Variants in ARHGDIB observed in about 807,000 individuals in gnomAD.
ARHGDIB encodes the protein rho GDP-dissociation inhibitor 2.
A neutral mutation model predicts 22.6 loss-of-function variants in ARHGDIB; 20 were observed. The ratio of observed to expected loss-of-function variants is 0.88; its 90% confidence interval spans 0.62 to 1.28. The LOEUF is 1.28. Among genes scored for constraint, ARHGDIB ranks in the 50% most tolerant of loss-of-function variants. The pLI, the probability that ARHGDIB is intolerant of heterozygous loss-of-function variation, is 0.00. For synonymous variants in ARHGDIB, 114 were observed against 96.1 expected, an observed-to-expected ratio of 1.19 and a Z score of -1.09; for missense variants, 254 against 245.4, an observed-to-expected ratio of 1.04 and a Z score of -0.23.
intron 1 of ARHGDIB, among the ~76,000 whole-genome samples, chr12:14,957,869 A>AAAGAG (rs1864333832): frequency 1.3e-5 from 2 of 151,452 alleles, no homozygotes; most frequent in Non-Finnish European, 2.9e-5. Context: ...GAAAGAGGAG[A>AAAGAG]GAGAGAGGAG....
At chr12:14,956,517 A>T (rs1309352558) in intron 1 of ARHGDIB, among the ~76,000 whole-genome samples, 1 of 152,228 alleles carries the variant, frequency 6.6e-6, no homozygotes, top group East Asian at 1.9e-4. Flanking sequence ...CACCTTCCTC[A>T]GCTGCTCATC....
intron 5 of ARHGDIB, among the ~76,000 whole-genome samples, chr12:14,943,016 GC>G (rs1863910259): frequency 6.6e-6 from 1 of 152,088 alleles, no homozygotes; most frequent in South Asian, 2.1e-4. Context: ...TTACAGGCAT[GC>G]GCCACCATGC....
chr12:14,945,477 C>T (rs1179803883), intron 4 of ARHGDIB, among the ~76,000 whole-genome samples: 2 of 152,192 alleles, frequency 1.3e-5, no homozygotes, highest in African/African-American at 2.4e-5. Context: ...AATTCAGTAA[C>T]GCAGAATGAA....
In ARHGDIB at chr12:14,942,199, G is replaced by C; in HGVS notation, c.*323C>G. 3.2e-6 allele frequency: 1 copy of C among 315,960 alleles called. No homozygotes were observed. The highest frequency in any genetic ancestry group is 6.1e-6 in the Non-Finnish European group (1 of 163,412). 19.6% of individuals were successfully genotyped at this position (315,960 alleles called of 1,614,324 possible). On this transcript the variant is annotated 3_prime_UTR_variant, in exon 6 of 6. Coordinates refer to ENST00000228945, the MANE Select transcript of ARHGDIB (RefSeq NM_001175.7). ...TGGAACCTGAGTCAAAGACCTGTTAGTGATAATTTGCCCATTTTCTGGCCT... is the reference window on the plus strand; with the variant it reads ...TGGAACCTGAGTCAAAGACCTGTTACTGATAATTTGCCCATTTTCTGGCCT...
chr12:14,960,009 C>T (rs1236053356), intron 1 of ARHGDIB, among the ~76,000 whole-genome samples: 1 of 152,238 alleles, frequency 6.6e-6, no homozygotes, highest in Non-Finnish European at 1.5e-5. Flanking sequence ...CTGCTAGGGA[C>T]TGGACCTCTG....
intron 4 of ARHGDIB, among the ~76,000 whole-genome samples, chr12:14,945,215 G>A (rs1592286210): frequency 6.6e-6 from 1 of 152,074 alleles, no homozygotes; most frequent in African/African-American, 2.4e-5. Flanking sequence ...CTTGTCTTAG[G>A]AAAAGTTATG....
At chr12:14,942,825 A>G in intron 5 of ARHGDIB, 104 bp from the exon 6 acceptor site, 1 of 997,558 alleles carries the variant, frequency 1.0e-6, no homozygotes, top group Non-Finnish European at 1.5e-6. Flanking sequence ...TAAAGTCAAG[A>G]GCAATGGTTT....
chr12:14,960,716 C>G (rs569364646), intron 1 of ARHGDIB, among the ~76,000 whole-genome samples: 1 of 152,096 alleles, frequency 6.6e-6, no homozygotes, highest in South Asian at 2.1e-4. Context: ...TTGGTCAAGC[C>G]GGTCTTGAAC....
chr12:14,952,577 G>A (rs903969370), intron 1 of ARHGDIB, among the ~76,000 whole-genome samples: 1 of 152,180 alleles, frequency 6.6e-6, no homozygotes, highest in Non-Finnish European at 1.5e-5. Context: ...TGAATGAACT[G>A]GTTGGAAAAA....
chr12:14,952,622 T>TG (rs1490173438), intron 1 of ARHGDIB, among the ~76,000 whole-genome samples: 1 of 151,560 alleles, frequency 6.6e-6, no homozygotes, highest in African/African-American at 2.4e-5. Context: ...TTGTAGGTTG[T>TG]GGGAAATTTA....
In ARHGDIB at chr12:14,942,430, A is replaced by T; in HGVS notation, c.*92T>A. 1.5e-6 allele frequency: 2 copies of T among 1,373,374 alleles called. No individual in the cohort carries two copies. The highest frequency in any genetic ancestry group is 3.4e-5 in the Admixed American group (2 of 58,852). 85.1% of individuals were successfully genotyped at this position (1,373,374 alleles called of 1,614,324 possible). ...GGAAATGTGGCAGTGTTGAAGAGGG[A>T]CCCAGCTGTGGACAGGGAGGAGGGA... On this transcript the variant is annotated 3_prime_UTR_variant, in exon 6 of 6. Transcript: ENST00000228945.
chr12:14,950,747 G>A (rs369726129), intron 1 of ARHGDIB, 23 bp from the exon 2 acceptor site: 76 of 1,560,012 alleles, frequency 4.9e-5, no homozygotes, highest in African/African-American at 6.9e-5. Flanking sequence ...ATGACAGCCC[G>A]TTAGTCAACA....
intron 4 of ARHGDIB, among the ~76,000 whole-genome samples, chr12:14,947,036 C>T (rs1864033353): frequency 6.6e-6 from 1 of 151,344 alleles, no homozygotes; most frequent in Admixed American, 6.6e-5. Flanking sequence ...GAATCATATC[C>T]TGTACCTTGG....
At chr12:14,954,569 C>T (rs774224782) in intron 1 of ARHGDIB, among the ~76,000 whole-genome samples, 1 of 152,172 alleles carries the variant, frequency 6.6e-6, no homozygotes, top group South Asian at 2.1e-4. Context: ...TACTAACTAG[C>T]TTTTCCCCTG....
chr12:14,943,916 T>G (rs1863943515), intron 5 of ARHGDIB, among the ~76,000 whole-genome samples: 1 of 152,114 alleles, frequency 6.6e-6, no homozygotes, highest in Admixed American at 6.6e-5. Flanking sequence ...GAAATTAAAC[T>G]TTTTTTTCAT....
chr12:14,949,091 T>C (rs1864102277), intron 3 of ARHGDIB, among the ~76,000 whole-genome samples: 1 of 152,110 alleles, frequency 6.6e-6, no homozygotes, highest in African/African-American at 2.4e-5. Flanking sequence ...TTTCATTTGG[T>C]AACTATTTTT....
chr12:14,953,973 CCTTT>C (rs1328663546), intron 1 of ARHGDIB, among the ~76,000 whole-genome samples: 1 of 148,872 alleles, frequency 6.7e-6, no homozygotes, highest in East Asian at 2.0e-4. Context: ...TTCCTTCCTT[CCTTT>C]CTTCTTTCCT....
chr12:14,944,123 G>T (rs1863950854), intron 5 of ARHGDIB, among the ~76,000 whole-genome samples: 1 of 151,286 alleles, frequency 6.6e-6, no homozygotes, highest in South Asian at 2.1e-4. Flanking sequence ...TAGGTAGAAA[G>T]GAACTGTAAA....
chr12:14,945,179 C>T (rs1863982502), intron 4 of ARHGDIB, among the ~76,000 whole-genome samples: 1 of 152,168 alleles, frequency 6.6e-6, no homozygotes, highest in Admixed American at 6.5e-5. Flanking sequence ...CTTTCCCTCT[C>T]CAATACTGCT....
Sources: gnomAD v4.1 joint callset for allele counts (sites outside exome capture counted in the v4.1 genomes callset) on GRCh38, gnomAD v4.1.1 for gene constraint, MANE v1.5 for transcripts, NCBI Gene and HGNC (gene_info 2026-07-23, HGNC 2026-07-21) for gene names.